PDZD8: variants seen among roughly 807,000 people sequenced by gnomAD.
PDZD8 encodes PDZ domain-containing protein 8.
PDZD8 carries 14 observed loss-of-function variants against 85.8 expected under a neutral mutation model. The ratio of observed to expected loss-of-function variants is 0.16; its 90% CI spans 0.11 to 0.26. PDZD8 has a LOEUF of 0.26. PDZD8 is among the 10% of genes least tolerant of loss of function. The pLI is 1.00. For missense variants in PDZD8, 1,197 were observed against 1,424.3 expected (o/e 0.84, Z 2.57); for synonymous variants, 592 against 568.6 (o/e 1.04, Z -0.59).
rs1359435942 is a variant in PDZD8, at chr10:117,330,012, GGGAGGGAGGGAGGGAA to G, written c.995+10952_995+10967del. 4.8e-4 allele frequency among the ~76,000 whole-genome samples: 25 copies of G among 52,222 alleles called. 1 individual carries two copies. The highest frequency in any genetic ancestry group is 2.0e-3 in the Admixed American group (11 of 5,548). The allele number at this position is 52,222 out of a possible 152,430, so 34.3% of individuals were successfully genotyped here. ...AGGAAGGAAGGAAGGGAGGGAGGGA[GGGAGGGAGGGAGGGAA>G]GGAGGGAGGGAGGGAGGGAGGGAAA... On this transcript the variant is annotated intron_variant, in intron 2 of 4. Coordinates refer to ENST00000334464, the MANE Select transcript of PDZD8 (RefSeq NM_173791.5).
intron 2 of PDZD8, among the ~76,000 whole-genome samples, chr10:117,337,693 T>G (rs554561133): frequency 6.6e-6 from 1 of 152,178 alleles, no homozygotes; most frequent in Non-Finnish European, 1.5e-5. Flanking sequence ...GACATAATAA[T>G]AGAAGCTACA....
intron 3 of PDZD8, among the ~76,000 whole-genome samples, chr10:117,305,510 A>ACG (rs1843926625): frequency 6.8e-6 from 1 of 147,932 alleles, no homozygotes; most frequent in South Asian, 2.2e-4. Flanking sequence ...ACACACACAC[A>ACG]CACACATATA....
At chr10:117,286,870 G>A (rs764990305) in intron 4 of PDZD8, among the ~76,000 whole-genome samples, 15 of 152,186 alleles carry the variant, frequency 9.9e-5, no homozygotes, top group Non-Finnish European at 1.8e-4. Flanking sequence ...CTTGGATCTA[G>A]CATCAAGTTA....
At chr10:117,342,970 C>A (rs151133194) in intron 1 of PDZD8, among the ~76,000 whole-genome samples, 1 of 152,326 alleles carries the variant, frequency 6.6e-6, no homozygotes, top group East Asian at 1.9e-4. Flanking sequence ...CTCGGCCATA[C>A]ATGCTGCTTT....
intron 3 of PDZD8, among the ~76,000 whole-genome samples, chr10:117,299,800 A>C (rs1209890011): frequency 1.3e-5 from 2 of 151,880 alleles, no homozygotes; most frequent in Non-Finnish European, 2.9e-5. Context: ...CAACCCCCTG[A>C]ATTCTTTATC....
At chr10:117,341,135 A>T in intron 1 of PDZD8, 33 bp from the exon 2 acceptor site, 1 of 1,600,922 alleles carries the variant, frequency 6.2e-7, no homozygotes. Flanking sequence ...TAAATGTCTG[A>T]ATAATAAACA....
In PDZD8 at chr10:117,314,810, T is replaced by C. The variant is rs187187560; in HGVS notation, c.1098+4062A>G. 5.9e-5 allele frequency among the ~76,000 whole-genome samples: 9 copies of C among 152,342 alleles called. No homozygotes were observed. In the South Asian group the frequency reaches 1.0e-3, roughly 18 times the overall value. ...ATCTTTCCTTTCTGATAGTGACATA[T>C]TTATATACCAATATTGTTTGGATTT... On this transcript the variant is annotated intron_variant, in intron 3 of 4. Transcript: ENST00000334464.
chr10:117,285,617 T>C, intron 4 of PDZD8, 146 bp from the exon 5 acceptor site: 1 of 1,159,168 alleles, frequency 8.6e-7, no homozygotes, highest in Non-Finnish European at 1.1e-6. Context: ...ATCTCAACAA[T>C]ATTTTATTTG....
chr10:117,278,920 T>A lies in PDZD8; in HGVS notation c.*4348A>T, dbSNP rs571846611. On this transcript the variant is annotated 3_prime_UTR_variant, in exon 5 of 5. Transcript: ENST00000334464. ...TGGCTAAAAAGGCAGGCTAGTTTCT[T>A]ACTTCTACAGGGGTAGAGCCTTAAA... 1 of 152,328 alleles carries A rather than the reference T, an allele frequency of 6.6e-6. No homozygotes were observed. The highest frequency in any genetic ancestry group is 2.1e-4 in the South Asian group (1 of 4,820). 9.4% of individuals were successfully genotyped at this position (152,328 alleles called of 1,614,324 possible). A position where few individuals can be genotyped will look rare whatever the true frequency, so the allele number is the denominator to read the frequency against.
chr10:117,314,638 T>C (rs1367112467), intron 3 of PDZD8, among the ~76,000 whole-genome samples: 1 of 152,192 alleles, frequency 6.6e-6, no homozygotes, highest in Admixed American at 6.5e-5. Flanking sequence ...ACCTGCATAC[T>C]GGGCTACAAA....
chr10:117,370,169 G>A (rs887768098), intron 1 of PDZD8, among the ~76,000 whole-genome samples: 2 of 152,156 alleles, frequency 1.3e-5, no homozygotes, highest in African/African-American at 2.4e-5. Flanking sequence ...TGAGGTGGAT[G>A]AATGAAATTC....
chr10:117,340,983 C>T lies in PDZD8; in HGVS notation c.992G>A (p.Ser331Asn), dbSNP rs372273288. The change falls in exon 2 of 5, where the codon AGC (serine) becomes AAC (asparagine). Residue 331 changes from serine (S) to asparagine (N), a missense_variant. Physicochemically the swap from Ser to Asn is conservative, Grantham distance 46. Transcript: ENST00000334464. ...GRLKVTLLEC[S>N]RLLIFGSYDR... is the part of the protein sequence containing the mutation. ...AATGACAAAACAAAGAACATACCTG[C>T]TACATTCTAACAACGTAACTTTAAG... 4 of 1,613,860 alleles carry T rather than the reference C, an allele frequency of 2.5e-6. No homozygotes were observed. Among genetic ancestry groups the T allele is most frequent in the Middle Eastern group, 1.6e-4 (1 of 6,084 alleles).
Position 117,284,934 on chromosome 10 carries a change from G to A in PDZD8, c.1799C>T (p.Pro600Leu), listed in dbSNP as rs748282318. The A allele has an allele frequency of 1.9e-6, 3 of 1,614,118 alleles. No homozygotes were observed. The highest frequency in any genetic ancestry group is 1.1e-5 in the South Asian group (1 of 91,080). ...PVPPRPQAKV[P>L]LPSADAPNQA... ...ATTTGGAGCATCGGCGGAAGGCAAAGGAACTTTCGCTTGTGGTCGTGGTGG... is the reference window on the plus strand; with the variant it reads ...ATTTGGAGCATCGGCGGAAGGCAAAAGAACTTTCGCTTGTGGTCGTGGTGG... The change falls in exon 5 of 5, where the codon CCT (proline) becomes CTT (leucine). Residue 600 changes from proline (P) to leucine (L), a missense_variant. Pro to Leu is a moderately conservative substitution (Grantham distance 98, BLOSUM62 -3). Coordinates refer to ENST00000334464, the MANE Select transcript of PDZD8 (RefSeq NM_173791.5).
intron 2 of PDZD8, among the ~76,000 whole-genome samples, chr10:117,338,875 A>G (rs575670064): frequency 2.0e-5 from 3 of 152,320 alleles, no homozygotes; most frequent in East Asian, 3.9e-4. Flanking sequence ...CACCAAAGCT[A>G]GTGGTTAAAT....
intron 2 of PDZD8, among the ~76,000 whole-genome samples, chr10:117,333,870 T>C (rs957449475): frequency 6.6e-6 from 1 of 152,234 alleles, no homozygotes; most frequent in Admixed American, 6.5e-5. Context: ...CATAATTAAA[T>C]GATTTTCTTT....
chr10:117,362,864 A>C (rs1168004825), intron 1 of PDZD8, among the ~76,000 whole-genome samples: 1 of 143,714 alleles, frequency 7.0e-6, no homozygotes, highest in African/African-American at 2.7e-5. Flanking sequence ...CTCCAGCATT[A>C]GTAAACAAAA....
chr10:117,359,869 A>G (rs1047400322), intron 1 of PDZD8, among the ~76,000 whole-genome samples: 1 of 152,216 alleles, frequency 6.6e-6, no homozygotes, highest in East Asian at 1.9e-4. Context: ...TCTATTTATG[A>G]AATTCCTTGA....
intron 2 of PDZD8, among the ~76,000 whole-genome samples, chr10:117,334,730 A>G (rs1252598899): frequency 6.6e-6 from 1 of 152,216 alleles, no homozygotes; most frequent in Non-Finnish European, 1.5e-5. Context: ...AGTATAATAA[A>G]TGAGATTAAA....
intron 2 of PDZD8, among the ~76,000 whole-genome samples, chr10:117,327,464 T>C (rs1589568420): frequency 6.6e-6 from 1 of 152,244 alleles, no homozygotes; most frequent in Non-Finnish European, 1.5e-5. Context: ...CCAGTCTACC[T>C]GAGTTAGCAT....
Sources: allele counts gnomAD v4.1 joint callset (sites outside exome capture counted in the v4.1 genomes callset), GRCh38; gene constraint gnomAD v4.1.1; transcripts MANE v1.5; gene names NCBI Gene and HGNC (gene_info 2026-07-23, HGNC 2026-07-21).